DLG2: variants seen among roughly 807,000 people sequenced by gnomAD.
The protein encoded by DLG2 is discs large MAGUK scaffold protein 2.
In DLG2, 45 loss-of-function variants were observed where a neutral mutation model predicts 132.5. The ratio of observed to expected loss-of-function variants is 0.34; its 90% CI spans 0.27 to 0.44. The LOEUF (loss-of-function observed/expected upper bound fraction) is 0.44, where lower values mean the gene tolerates loss of function less well. Ranked by LOEUF, DLG2 falls within the 20% of genes least tolerant of loss-of-function variation. The pLI, the probability that DLG2 is intolerant of heterozygous loss-of-function variation, is 1.00. For missense variants in DLG2, 1,045 were observed against 1,196.9 expected, an observed-to-expected ratio of 0.87 and a Z score of 1.87; for synonymous variants, 424 against 419.6, an observed-to-expected ratio of 1.01 and a Z score of -0.13.
chr11:85,457,243 G>T lies in DLG2; in HGVS notation c.40+141414C>A, dbSNP rs374981448. On this transcript the variant is annotated intron_variant, in intron 3 of 27. Transcript: ENST00000376104. ...AGTCTCTTTTGTCTGAAATTAGGACGTCAACCCCTGCTTTTCCATTTGCTT... is the reference window on the plus strand; with the variant it reads ...AGTCTCTTTTGTCTGAAATTAGGACTTCAACCCCTGCTTTTCCATTTGCTT... Among the ~76,000 whole-genome samples, 104 of 148,062 alleles carry T rather than the reference G, an allele frequency of 7.0e-4. 1 individual carries two copies. In the South Asian group the frequency reaches 0.021, roughly 29 times the overall value.
At chr11:84,390,510 T>C (rs899266609) in intron 7 of DLG2, among the ~76,000 whole-genome samples, 2 of 152,090 alleles carry the variant, frequency 1.3e-5, no homozygotes, top group South Asian at 2.1e-4. Context: ...AAAGGGTTTG[T>C]AGGGGAGAGG....
chr11:85,496,230 A>G (rs748682353), intron 3 of DLG2, among the ~76,000 whole-genome samples: 2 of 152,204 alleles, frequency 1.3e-5, no homozygotes, highest in Non-Finnish European at 2.9e-5. Context: ...CTTCACAATC[A>G]GCAGACAAGA....
chr11:84,972,119 A>T (rs1046313010), intron 6 of DLG2, among the ~76,000 whole-genome samples: 1 of 152,060 alleles, frequency 6.6e-6, no homozygotes, highest in Non-Finnish European at 1.5e-5. Context: ...AATTCTTATC[A>T]CCCTCTAATC....
intron 7 of DLG2, among the ~76,000 whole-genome samples, chr11:84,526,957 T>C (rs1234186832): frequency 6.6e-6 from 1 of 152,070 alleles, no homozygotes; most frequent in African/African-American, 2.4e-5. Context: ...TTTTTGTATT[T>C]TTAGTAGAGA....
intron 7 of DLG2, among the ~76,000 whole-genome samples, chr11:84,442,146 T>A (rs1197664256): frequency 6.6e-6 from 1 of 152,194 alleles, no homozygotes. Flanking sequence ...TTTTTTCTGA[T>A]TCTGTGAAGA....
chr11:85,091,640 G>A (rs141946355), intron 6 of DLG2, among the ~76,000 whole-genome samples: 9 of 152,230 alleles, frequency 5.9e-5, no homozygotes, highest in African/African-American at 1.4e-4. Context: ...CTTTGTTGTC[G>A]TGTCTACAAT....
At chr11:84,727,693 T>G (rs1408721048) in intron 6 of DLG2, among the ~76,000 whole-genome samples, 2 of 152,172 alleles carry the variant, frequency 1.3e-5, no homozygotes, top group South Asian at 2.1e-4. Flanking sequence ...TTGGGCAGTA[T>G]GGCCATTTTC....
chr11:85,591,945 T>C (rs1405997431), intron 3 of DLG2, among the ~76,000 whole-genome samples: 1 of 152,180 alleles, frequency 6.6e-6, no homozygotes, highest in Non-Finnish European at 1.5e-5. Context: ...GGTGAAAACA[T>C]CCTTCTCTAC....
At position 84,644,576 on chromosome 11, in the gene DLG2, G is replaced by T. The variant is rs914275427; in HGVS notation, c.358-109845C>A. On this transcript the variant is annotated intron_variant, in intron 6 of 27. Coordinates refer to ENST00000376104, the MANE Select transcript of DLG2 (RefSeq NM_001142699.3). ...AAAAAATTAGCCGGGCGTGGTGGCG[G>T]GCACCTGTAATCCCAGCTGCTTGGG... Among the ~76,000 whole-genome samples, 6 of 151,926 alleles carry T rather than the reference G, an allele frequency of 3.9e-5. No individual in the cohort carries two copies. In the East Asian group the frequency reaches 1.2e-3, roughly 30 times the overall value.
chr11:84,495,083 C>T (rs1266552110), intron 7 of DLG2, among the ~76,000 whole-genome samples: 3 of 152,070 alleles, frequency 2.0e-5, no homozygotes, highest in East Asian at 3.9e-4. Context: ...CCAGTTGTGT[C>T]GCTCATTTGC....
At chr11:85,070,884 C>T (rs349069) in intron 6 of DLG2, among the ~76,000 whole-genome samples, 58,779 of 151,592 alleles carry the variant, frequency 0.39, 11,595 homozygotes, top group South Asian at 0.57. Context: ...CATGTTGGTA[C>T]GTAGGTCCTT....
intron 6 of DLG2, among the ~76,000 whole-genome samples, chr11:84,609,565 G>C (rs981484697): frequency 5.3e-5 from 8 of 152,068 alleles, no homozygotes; most frequent in Non-Finnish European, 1.0e-4. Flanking sequence ...AATTACACTA[G>C]GCCTCAGTTT....
chr11:84,908,506 C>T (rs961872813), intron 6 of DLG2, among the ~76,000 whole-genome samples: 1 of 152,082 alleles, frequency 6.6e-6, no homozygotes, highest in Non-Finnish European at 1.5e-5. Flanking sequence ...TTCTCTTCCA[C>T]ATGAGGGTTT....
intron 3 of DLG2, among the ~76,000 whole-genome samples, chr11:85,597,604 C>T (rs2079862038): frequency 6.6e-6 from 1 of 151,650 alleles, no homozygotes; most frequent in Non-Finnish European, 1.5e-5. Context: ...ATTCAATAGA[C>T]CGATTTTCAA....
intron 7 of DLG2, among the ~76,000 whole-genome samples, chr11:84,515,479 T>C (rs1189210245): frequency 6.6e-6 from 1 of 151,686 alleles, no homozygotes; most frequent in Non-Finnish European, 1.5e-5. Flanking sequence ...AAAAAAATCA[T>C]AAAAAGAGAT....
At chr11:85,000,550 A>G (rs989298457) in intron 6 of DLG2, among the ~76,000 whole-genome samples, 1 of 152,126 alleles carries the variant, frequency 6.6e-6, no homozygotes, top group East Asian at 1.9e-4. Flanking sequence ...TCTTGTATGG[A>G]TTTGGTGAAT....
intron 4 of DLG2, among the ~76,000 whole-genome samples, chr11:85,237,193 G>T (rs1227438689): frequency 6.6e-6 from 1 of 152,010 alleles, no homozygotes; most frequent in Non-Finnish European, 1.5e-5. Context: ...AAGCAGAAAA[G>T]AATCTAGATT....
chr11:85,236,714 TAGTTA>T, intron 4 of DLG2, among the ~76,000 whole-genome samples: 1 of 152,138 alleles, frequency 6.6e-6, no homozygotes, highest in East Asian at 1.9e-4. Context: ...GATTCTTGCA[TAGTTA>T]CTTGCATATA....
intron 7 of DLG2, among the ~76,000 whole-genome samples, chr11:84,379,401 C>T (rs1421364506): frequency 1.3e-5 from 2 of 151,792 alleles, no homozygotes; most frequent in Non-Finnish European, 2.9e-5. Flanking sequence ...TTGAAAATAG[C>T]CTTTAAGGAA....
Sources: gnomAD v4.1 joint callset for allele counts (sites outside exome capture counted in the v4.1 genomes callset) on GRCh38, gnomAD v4.1.1 for gene constraint, MANE v1.5 for transcripts, NCBI Gene and HGNC (gene_info 2026-07-23, HGNC 2026-07-21) for gene names.